CGAS: variants seen among roughly 807,000 people sequenced by gnomAD.
CGAS encodes the protein 2'3'-cGAMP synthase.
A neutral mutation model predicts 34.0 loss-of-function variants in CGAS; 31 were observed. The observed-to-expected ratio is 0.91, with a 90% CI of 0.69 to 1.23. The LOEUF (loss-of-function observed/expected upper bound fraction) is 1.23. Among genes scored for constraint, CGAS ranks in the 50% most tolerant of loss-of-function variants. CGAS has a pLI of 0.00. For synonymous variants in CGAS, 266 were observed against 260.0 expected (o/e 1.02, Z -0.22); for missense variants, 597 against 657.6 (o/e 0.91, Z 1.01).
chr6:73,450,654 A>G (rs1456496947), intron 1 of CGAS, among the ~76,000 whole-genome samples: 1 of 152,086 alleles, frequency 6.6e-6, no homozygotes, highest in Non-Finnish European at 1.5e-5. Context: ...TTGTTTGTTT[A>G]ACATTATACT....
At chr6:73,428,960 G>T in intron 3 of CGAS, 149 bp from the exon 4 acceptor site, 1 of 665,790 alleles carries the variant, frequency 1.5e-6, no homozygotes, top group Non-Finnish European at 2.5e-6. Flanking sequence ...GCCGAGGAGG[G>T]TGGGTCACCT....
chr6:73,428,646 G>A, intron 4 of CGAS, 63 bp downstream of exon 4: 1 of 1,466,412 alleles, frequency 6.8e-7, no homozygotes, highest in South Asian at 1.2e-5. Context: ...TCTGAGGTGT[G>A]GAGTCAACAA....
chr6:73,451,278 T>C (rs1001030777), intron 1 of CGAS, among the ~76,000 whole-genome samples: 7 of 152,184 alleles, frequency 4.6e-5, no homozygotes, highest in African/African-American at 1.7e-4. Context: ...CCCATACATT[T>C]GAATTCCCCC....
At chr6:73,431,881 G>C (rs1239866040) in intron 3 of CGAS, among the ~76,000 whole-genome samples, 2 of 152,126 alleles carry the variant, frequency 1.3e-5, no homozygotes, top group Admixed American at 6.6e-5. Context: ...TATCACCCAG[G>C]CTGGAGTGCG....
chr6:73,448,286 G>C (rs555633256), intron 1 of CGAS, among the ~76,000 whole-genome samples: 1 of 152,158 alleles, frequency 6.6e-6, no homozygotes, highest in East Asian at 1.9e-4. Flanking sequence ...CCAGCTACTC[G>C]GGAGGCTGAG....
chr6:73,435,059 G>GT (rs1197699859), intron 3 of CGAS, among the ~76,000 whole-genome samples: 1 of 152,048 alleles, frequency 6.6e-6, no homozygotes, highest in Non-Finnish European at 1.5e-5. Flanking sequence ...GCAGTGGCAC[G>GT]TGTCTGTAGT....
Position 73,451,924 on chromosome 6 carries a change from C to T in CGAS, c.258G>A (p.Gln86=). Residue 86 remains glutamine, a synonymous_variant, in exon 1 of 5, where the codon CAG becomes CAA. Coordinates refer to ENST00000370315, the MANE Select transcript of CGAS (RefSeq NM_138441.3). ...CAGACGGCTGCGTGTCCTGGGCGCG[C>T]TGAGGGGCCTTTTTGGCGCGGGCCC... is the stretch of plus-strand genomic sequence containing the variant. ...ATGARAKKAP[Q]RAQDTQPSDA... 1 of 1,506,766 alleles carries T rather than the reference C, an allele frequency of 6.6e-7. No individual in the cohort carries two copies. The highest frequency in any genetic ancestry group is 8.9e-7 in the Non-Finnish European group (1 of 1,124,678). 93.3% of individuals were successfully genotyped at this position (1,506,766 alleles called of 1,614,324 possible).
chr6:73,444,745 A>C (rs1306601803), intron 2 of CGAS, among the ~76,000 whole-genome samples: 3 of 152,202 alleles, frequency 2.0e-5, no homozygotes, highest in Non-Finnish European at 4.4e-5. Flanking sequence ...AGAAAGGAAA[A>C]TGATGTAATA....
intron 1 of CGAS, among the ~76,000 whole-genome samples, chr6:73,447,291 G>GT (rs202106962): frequency 0.013 from 1,946 of 149,914 alleles, 14 homozygotes; most frequent in South Asian, 0.019. Flanking sequence ...TCAGTTTTTT[G>GT]TTTTTTTTTG....
intron 1 of CGAS, among the ~76,000 whole-genome samples, chr6:73,447,228 C>T (rs1205115491): frequency 6.6e-6 from 1 of 152,024 alleles, no homozygotes; most frequent in Non-Finnish European, 1.5e-5. Context: ...TTTTGAATAT[C>T]TTTAGTGATA....
At chr6:73,445,329 C>T (rs1770451981) in intron 2 of CGAS, among the ~76,000 whole-genome samples, 199 bp downstream of exon 2, 1 of 151,302 alleles carries the variant, frequency 6.6e-6, no homozygotes. Flanking sequence ...TAGATAAAGA[C>T]CTCTACCCTT....
At chr6:73,440,654 C>G (rs1255797274) in intron 2 of CGAS, among the ~76,000 whole-genome samples, 1 of 152,094 alleles carries the variant, frequency 6.6e-6, no homozygotes, top group African/African-American at 2.4e-5. Flanking sequence ...GTAATCGCAG[C>G]ACTTTGGGAG....
At chr6:73,435,129 G>A (rs999477052) in intron 3 of CGAS, among the ~76,000 whole-genome samples, 1 of 151,986 alleles carries the variant, frequency 6.6e-6, no homozygotes, top group Admixed American at 6.6e-5. Context: ...GACCAGCATG[G>A]GCAACATAGT....
intron 3 of CGAS, among the ~76,000 whole-genome samples, chr6:73,429,614 C>T (rs1161709931): frequency 6.6e-6 from 1 of 152,024 alleles, no homozygotes; most frequent in Middle Eastern, 3.4e-3. Context: ...ATCACAAGGT[C>T]GGGAGATCAA....
chr6:73,431,602 A>G (rs1461106920), intron 3 of CGAS, among the ~76,000 whole-genome samples: 1 of 152,228 alleles, frequency 6.6e-6, no homozygotes, highest in South Asian at 2.1e-4. Flanking sequence ...TGTTTCTTCA[A>G]TGAGTAAATT....
At chr6:73,447,540 C>T (rs1417655193) in intron 1 of CGAS, among the ~76,000 whole-genome samples, 4 of 152,230 alleles carry the variant, frequency 2.6e-5, no homozygotes. Context: ...TGCCTCTACT[C>T]CCAAAGTGCT....
chr6:73,426,551 C>G (rs1282125304), intron 4 of CGAS, among the ~76,000 whole-genome samples: 1 of 150,132 alleles, frequency 6.7e-6, no homozygotes, highest in African/African-American at 2.4e-5. Flanking sequence ...CAGGGTCTCA[C>G]TCTGTCACCC....
intron 4 of CGAS, among the ~76,000 whole-genome samples, chr6:73,428,374 T>G (rs1442638549): frequency 6.6e-6 from 1 of 152,128 alleles, no homozygotes; most frequent in Non-Finnish European, 1.5e-5. Context: ...TATCCATTAC[T>G]TTTAAACAAG....
At chr6:73,434,503 G>A (rs1245925833) in intron 3 of CGAS, among the ~76,000 whole-genome samples, 2 of 152,072 alleles carry the variant, frequency 1.3e-5, no homozygotes, top group Admixed American at 6.6e-5. Flanking sequence ...TACCTAACTA[G>A]TACTCCTCAA....
Sources: allele counts gnomAD v4.1 joint callset (sites outside exome capture counted in the v4.1 genomes callset), GRCh38; gene constraint gnomAD v4.1.1; transcripts MANE v1.5; gene names NCBI Gene and HGNC (gene_info 2026-07-23, HGNC 2026-07-21).